The following BRINP3 variants were observed in gnomAD, a reference collection of about 807,000 sequenced individuals.
BRINP3 encodes the protein BMP/retinoic acid-inducible neural-specific protein 3.
A neutral mutation model predicts 71.0 loss-of-function variants in BRINP3; 19 were observed. The ratio of observed to expected loss-of-function variants is 0.27; its 90% CI spans 0.19 to 0.39. The LOEUF (loss-of-function observed/expected upper bound fraction) is 0.39. Among genes scored for constraint, BRINP3 ranks in the 10% least tolerant of loss-of-function variants. The pLI, the probability that BRINP3 is intolerant of heterozygous loss-of-function variation, is 1.00. For missense variants in BRINP3, 959 were observed against 940.8 expected, an observed-to-expected ratio of 1.02 and a Z score of -0.25; for synonymous variants, 380 against 337.7, an observed-to-expected ratio of 1.13 and a Z score of -1.37.
Position 190,307,268 on chromosome 1 carries a change from T to TG in BRINP3, c.237-25519_237-25518insC, listed in dbSNP as rs1384688719. Among the ~76,000 whole-genome samples the TG allele has an allele frequency of 3.7e-3, 451 of 123,346 alleles. 5 individuals carry two copies. The highest frequency in any genetic ancestry group is 0.013 in the African/African-American group (425 of 33,168). 80.9% of individuals were successfully genotyped at this position (123,346 alleles called of 152,430 possible). A position where few individuals can be genotyped will look rare whatever the true frequency, so the allele number is the denominator to read the frequency against. ...CTCATTTAAAACATTGTTTTTTTTT[T>TG]TTTTTTTTTTTTTTTTTTGAGACAG... On this transcript the variant is annotated intron_variant, in intron 2 of 7. Coordinates refer to ENST00000367462, the MANE Select transcript of BRINP3 (RefSeq NM_199051.3).
At chr1:190,123,035 T>C (rs573708464) in intron 7 of BRINP3, among the ~76,000 whole-genome samples, 1 of 152,242 alleles carries the variant, frequency 6.6e-6, no homozygotes, top group Admixed American at 6.5e-5. Flanking sequence ...TATTCTTGAG[T>C]GTGCCAGACT....
chr1:190,476,440 C>A (rs1677509490), intron 1 of BRINP3, among the ~76,000 whole-genome samples: 1 of 151,990 alleles, frequency 6.6e-6, no homozygotes, highest in Non-Finnish European at 1.5e-5. Context: ...TAATGAATAT[C>A]GTGCTTTCCT....
At chr1:190,336,648 T>C (rs992321087) in intron 2 of BRINP3, among the ~76,000 whole-genome samples, 1 of 152,080 alleles carries the variant, frequency 6.6e-6, no homozygotes, top group Non-Finnish European at 1.5e-5. Flanking sequence ...AAATTAAAAC[T>C]GGTGTAGACA....
At chr1:190,332,208 A>G (rs1292287720) in intron 2 of BRINP3, among the ~76,000 whole-genome samples, 1 of 152,066 alleles carries the variant, frequency 6.6e-6, no homozygotes, top group Non-Finnish European at 1.5e-5. Flanking sequence ...AACAATTTGC[A>G]TATATACTGC....
intron 7 of BRINP3, among the ~76,000 whole-genome samples, chr1:190,101,215 C>T (rs2102243008): frequency 6.6e-6 from 1 of 152,260 alleles, no homozygotes; most frequent in South Asian, 2.1e-4. Context: ...TGAATTTCTC[C>T]AGATACTTTT....
chr1:190,294,726 T>C (rs1006684035), intron 2 of BRINP3, among the ~76,000 whole-genome samples: 1 of 152,048 alleles, frequency 6.6e-6, no homozygotes, highest in Non-Finnish European at 1.5e-5. Flanking sequence ...TATTTCAGTC[T>C]TGCCTTGTTT....
intron 2 of BRINP3, among the ~76,000 whole-genome samples, chr1:190,320,383 C>A (rs1666159702): frequency 6.6e-6 from 1 of 151,992 alleles, no homozygotes; most frequent in Admixed American, 6.6e-5. Flanking sequence ...TGTTAGGAGA[C>A]CCTCCTACCA....
chr1:190,382,054 T>G (rs1018159795), intron 2 of BRINP3, among the ~76,000 whole-genome samples: 3 of 152,126 alleles, frequency 2.0e-5, no homozygotes, highest in African/African-American at 7.2e-5. Context: ...AGCAAACGTG[T>G]GGCTATACTA....
chr1:190,296,958 T>C (rs955707021), intron 2 of BRINP3, among the ~76,000 whole-genome samples: 2 of 152,120 alleles, frequency 1.3e-5, no homozygotes. Flanking sequence ...AGAATTATTA[T>C]TGTTAAAATG....
At chr1:190,421,041 T>C (rs561265779) in intron 2 of BRINP3, among the ~76,000 whole-genome samples, 80 of 151,662 alleles carry the variant, frequency 5.3e-4, no homozygotes, top group Non-Finnish European at 1.0e-3. Flanking sequence ...GAATGACACA[T>C]ATATCACCTT....
rs534849681 is a variant in BRINP3 at position 190,139,769 on chromosome 1, T to G, written c.1184+20899A>C. ...TAGCATACGACATAAATCTACATAGTTAAGGTTTTCTCCAGGCAACATTTA... is the reference window on the plus strand; with the variant it reads ...TAGCATACGACATAAATCTACATAGGTAAGGTTTTCTCCAGGCAACATTTA... On this transcript the variant is annotated intron_variant, in intron 7 of 7. Transcript: ENST00000367462. 9.2e-5 allele frequency among the ~76,000 whole-genome samples: 14 copies of G among 152,254 alleles called. No individual in the cohort carries two copies. The East Asian group carries it at 2.7e-3, about 29-fold the overall frequency.
At chr1:190,251,490 C>G (rs1444239569) in intron 4 of BRINP3, among the ~76,000 whole-genome samples, 5 of 151,896 alleles carry the variant, frequency 3.3e-5, no homozygotes, top group South Asian at 2.1e-4. Flanking sequence ...CCATGTAGCT[C>G]TAGAATTAGA....
intron 2 of BRINP3, among the ~76,000 whole-genome samples, chr1:190,309,296 G>A (rs990959269): frequency 2.6e-5 from 4 of 151,766 alleles, no homozygotes; most frequent in African/African-American, 9.7e-5. Context: ...GGAGACAGGA[G>A]AAGGAGAAAT....
chr1:190,337,766 C>T (rs1419217938), intron 2 of BRINP3, among the ~76,000 whole-genome samples: 3 of 152,020 alleles, frequency 2.0e-5, no homozygotes, highest in Non-Finnish European at 2.9e-5. Flanking sequence ...TTAATAAGCT[C>T]CCTTTCATAT....
At chr1:190,446,691 A>T (rs1391573189) in intron 2 of BRINP3, among the ~76,000 whole-genome samples, 2 of 152,072 alleles carry the variant, frequency 1.3e-5, no homozygotes, top group Non-Finnish European at 2.9e-5. Flanking sequence ...AGCTCAAAGG[A>T]TCTACAGACA....
intron 2 of BRINP3, among the ~76,000 whole-genome samples, chr1:190,423,876 T>C (rs1170821982): frequency 6.6e-6 from 1 of 151,682 alleles, no homozygotes; most frequent in African/African-American, 2.4e-5. Context: ...ATTTTATAAT[T>C]TTGTATCACT....
At chr1:190,320,099 A>G (rs2103047942) in intron 2 of BRINP3, among the ~76,000 whole-genome samples, 1 of 152,186 alleles carries the variant, frequency 6.6e-6, no homozygotes, top group East Asian at 1.9e-4. Flanking sequence ...AATACAATGT[A>G]TAATAATGAA....
chr1:190,454,585 T>C, intron 2 of BRINP3, 70 bp downstream of exon 2: 1 of 1,305,794 alleles, frequency 7.7e-7, no homozygotes, highest in East Asian at 2.4e-5. Context: ...AAACTTTCCC[T>C]TAGAGAAACT....
At chr1:190,374,270 G>A (rs1300047569) in intron 2 of BRINP3, among the ~76,000 whole-genome samples, 3 of 151,980 alleles carry the variant, frequency 2.0e-5, no homozygotes, top group African/African-American at 7.2e-5. Context: ...CACACATTTT[G>A]TGAAAAGAAA....
Sources: gnomAD v4.1 joint callset for allele counts (sites outside exome capture counted in the v4.1 genomes callset) on GRCh38, gnomAD v4.1.1 for gene constraint, MANE v1.5 for transcripts, NCBI Gene and HGNC (gene_info 2026-07-23, HGNC 2026-07-21) for gene names.